Variants in ERLEC1 observed in about 807,000 individuals in gnomAD.
ERLEC1 encodes the protein endoplasmic reticulum lectin 1.
ERLEC1 carries 47 observed loss-of-function variants against 68.0 expected under a neutral mutation model. The observed-to-expected ratio is 0.69, with a 90% CI of 0.55 to 0.88. ERLEC1 has a LOEUF of 0.88. ERLEC1 is among the 40% of genes least tolerant of loss of function. The pLI, the probability that ERLEC1 is intolerant of heterozygous loss-of-function variation, is 0.00. For missense variants in ERLEC1, 567 were observed against 583.8 expected (o/e 0.97, Z 0.30); for synonymous variants, 225 against 203.2 (o/e 1.11, Z -0.91).
chr2:53,818,318 A>G lies in ERLEC1; in HGVS notation c.*349A>G, dbSNP rs980734190. 6.1e-6 allele frequency: 1 copy of G among 164,506 alleles called. No homozygotes were observed. Among genetic ancestry groups the G allele is most frequent in the African/African-American group, 2.4e-5 (1 of 41,870 alleles). 10.2% of individuals were successfully genotyped at this position (164,506 alleles called of 1,614,324 possible). A position where few individuals can be genotyped will look rare whatever the true frequency, so the allele number is the denominator to read the frequency against. ...TTGAAAGTTTTTAAATAATAGATTT[A>G]TTATGTAAATTATAGTATATGTAAG... is the stretch of plus-strand genomic sequence containing the variant. On this transcript the variant is annotated 3_prime_UTR_variant, in exon 14 of 14. Transcript: ENST00000185150.
chr2:53,794,595 C>T, intron 2 of ERLEC1, 146 bp downstream of exon 2: 1 of 499,834 alleles, frequency 2.0e-6, no homozygotes, highest in Non-Finnish European at 3.6e-6. Context: ...TTTAATATCC[C>T]TGAATTCTTT....
intron 10 of ERLEC1, among the ~76,000 whole-genome samples, chr2:53,809,794 G>A (rs373698527): frequency 1.9e-4 from 29 of 152,214 alleles, no homozygotes; most frequent in African/African-American, 4.6e-4. Context: ...AGTGGCTCAC[G>A]CCTGTATTCC....
chr2:53,794,271 A>C lies in ERLEC1; in HGVS notation c.163-74A>C, dbSNP rs181139592. 479 of 603,832 alleles carry C rather than the reference A, an allele frequency of 7.9e-4. 4 individuals carry two copies. In the African/African-American group the frequency reaches 8.5e-3, roughly 11 times the overall value. The allele number at this position is 603,832 out of a possible 1,614,324, so 37.4% of individuals were successfully genotyped here. A position where few individuals can be genotyped will look rare whatever the true frequency, so the allele number is the denominator to read the frequency against. On this transcript the variant is annotated intron_variant, in intron 1 of 13. Coordinates refer to ENST00000185150, the MANE Select transcript of ERLEC1 (RefSeq NM_015701.5). The stretch of plus-strand genomic sequence containing the variant: ...AATTAGTTTAAAGAATCTTTTTTCC[A>C]GCTAAGACTAAAGTTATTCAGTGTG...
At chr2:53,809,936 A>G (rs934886580) in intron 10 of ERLEC1, among the ~76,000 whole-genome samples, 1 of 152,008 alleles carries the variant, frequency 6.6e-6, no homozygotes, top group South Asian at 2.1e-4. Context: ...CTATAATTCC[A>G]TCTACTCAGG....
At chr2:53,809,932 T>C (rs928008727) in intron 10 of ERLEC1, among the ~76,000 whole-genome samples, 9 of 151,906 alleles carry the variant, frequency 5.9e-5, no homozygotes, top group African/African-American at 2.2e-4. Flanking sequence ...ATGCCTATAA[T>C]TCCATCTACT....
At chr2:53,799,157 C>A in intron 6 of ERLEC1, 76 bp downstream of exon 6, 1 of 1,214,056 alleles carries the variant, frequency 8.2e-7, no homozygotes, top group Non-Finnish European at 1.2e-6. Context: ...ACCCAAGTGA[C>A]AGAATATATC....
intron 8 of ERLEC1, among the ~76,000 whole-genome samples, chr2:53,804,605 G>T (rs1215760591): frequency 1.3e-5 from 2 of 152,112 alleles, no homozygotes; most frequent in African/African-American, 4.8e-5. Context: ...ATACAGATAT[G>T]CAGTGCATAA....
rs552234857 is a variant in ERLEC1 at position 53,804,900 on chromosome 2, C to T, written c.879+3058C>T. 1.5e-4 allele frequency among the ~76,000 whole-genome samples: 23 copies of T among 151,442 alleles called. No individual in the cohort carries two copies. The South Asian group carries it at 4.4e-3, about 29-fold the overall frequency. On this transcript the variant is annotated intron_variant, in intron 8 of 13. Transcript: ENST00000185150. ...TTTAGATCCCGTAAATAAGTGAGAA[C>T]ATGGGATGTTTGTTTTTCCGTGCAT...
intron 1 of ERLEC1, among the ~76,000 whole-genome samples, chr2:53,793,746 T>C (rs1444197802): frequency 6.6e-6 from 1 of 152,192 alleles, no homozygotes; most frequent in African/African-American, 2.4e-5. Context: ...GTTGCATTCC[T>C]CCTTTTTTCT....
At chr2:53,814,800 A>G (rs1676775665) in intron 12 of ERLEC1, 60 bp from the exon 13 acceptor site, 2 of 1,303,720 alleles carry the variant, frequency 1.5e-6, no homozygotes, top group Non-Finnish European at 1.1e-6. Flanking sequence ...GAGTACAGTT[A>G]TTAACAGTGA....
intron 2 of ERLEC1, among the ~76,000 whole-genome samples, chr2:53,794,922 G>C (rs766457064): frequency 9.9e-5 from 15 of 151,984 alleles, no homozygotes; most frequent in Non-Finnish European, 1.9e-4. Flanking sequence ...CAAAGTGCTG[G>C]GATTACAGGC....
At chr2:53,797,489 C>T (rs2692514) in intron 3 of ERLEC1, 26 bp from the exon 4 acceptor site, 631,278 of 1,548,506 alleles carry the variant, frequency 0.41, 130,657 homozygotes, top group African/African-American at 0.54. Flanking sequence ...GGCTTTTGTG[C>T]ATTGAAATAT....
At chr2:53,787,521 A>C (rs1440758754) in intron 1 of ERLEC1, 149 bp downstream of exon 1, 1 of 901,790 alleles carries the variant, frequency 1.1e-6, no homozygotes, top group African/African-American at 1.7e-5. Flanking sequence ...TGCAGCGTTC[A>C]TTCATTCGTT....
At chr2:53,810,080 C>G (rs1312532997) in intron 10 of ERLEC1, among the ~76,000 whole-genome samples, 1 of 151,914 alleles carries the variant, frequency 6.6e-6, no homozygotes, top group Non-Finnish European at 1.5e-5. Flanking sequence ...AAAAACCAAA[C>G]AAACAAAAAA....
chr2:53,805,988 A>T (rs1191681001), intron 8 of ERLEC1, among the ~76,000 whole-genome samples: 1 of 152,246 alleles, frequency 6.6e-6, no homozygotes, highest in Non-Finnish European at 1.5e-5. Flanking sequence ...AAAACTGATA[A>T]TCTTTATTTC....
chr2:53,803,328 T>A (rs910814889), intron 8 of ERLEC1, among the ~76,000 whole-genome samples: 1 of 152,048 alleles, frequency 6.6e-6, no homozygotes, highest in Admixed American at 6.5e-5. Flanking sequence ...ATTAAAAGAT[T>A]TGGGCTAGAA....
At chr2:53,813,851 C>A (rs1047515336) in intron 11 of ERLEC1, among the ~76,000 whole-genome samples, 1 of 151,632 alleles carries the variant, frequency 6.6e-6, no homozygotes, top group Non-Finnish European at 1.5e-5. Flanking sequence ...AGGTTAGTTA[C>A]ATATGTATAC....
chr2:53,802,263 C>G (rs1056227741), intron 8 of ERLEC1, among the ~76,000 whole-genome samples: 10 of 152,188 alleles, frequency 6.6e-5, no homozygotes, highest in Admixed American at 2.0e-4. Context: ...GCCTACTGGG[C>G]ATAGCCATAT....
intron 6 of ERLEC1, among the ~76,000 whole-genome samples, chr2:53,800,753 C>G (rs568043965): frequency 6.6e-6 from 1 of 152,138 alleles, no homozygotes; most frequent in East Asian, 1.9e-4. Context: ...AGGTTCTATC[C>G]TTTATTCCTT....
Sources: gnomAD v4.1 joint callset for allele counts (sites outside exome capture counted in the v4.1 genomes callset) on GRCh38, gnomAD v4.1.1 for gene constraint, MANE v1.5 for transcripts, NCBI Gene and HGNC (gene_info 2026-07-23, HGNC 2026-07-21) for gene names.